The following KLHDC4 variants were observed in gnomAD, a reference collection of about 807,000 sequenced individuals.
KLHDC4 encodes kelch domain containing 4, also known as kelch domain-containing protein 4.
Under a neutral mutation model 62.4 loss-of-function variants are expected in KLHDC4, and 90 were observed. That is an observed-to-expected ratio of 1.44 (90% CI 1.22 to 1.72). KLHDC4 has a LOEUF of 1.72. KLHDC4 is among the 40% of genes most tolerant of loss of function. KLHDC4 has a pLI of 0.00. For synonymous variants in KLHDC4, 386 were observed against 284.4 expected, an observed-to-expected ratio of 1.36 and a Z score of -3.59; for missense variants, 1,025 against 699.7, an observed-to-expected ratio of 1.47 and a Z score of -5.25.
intron 1 of KLHDC4, chr16:87,763,485 T>A (rs558517905): frequency 1.3e-5 from 2 of 152,024 alleles, no homozygotes; most frequent in African/African-American, 4.8e-5. Context: ...ACACCTGTAG[T>A]CCCAAACTAC....
At chr16:87,735,569 C>T (rs960064975) in intron 5 of KLHDC4, among the ~76,000 whole-genome samples, 3 of 152,350 alleles carry the variant, frequency 2.0e-5, no homozygotes, top group South Asian at 2.1e-4. Flanking sequence ...CTTTTTGTGG[C>T]AGTAGCCAAA....
At chr16:87,737,757 T>C (rs2041588114) in intron 5 of KLHDC4, among the ~76,000 whole-genome samples, 1 of 152,000 alleles carries the variant, frequency 6.6e-6, no homozygotes, top group Non-Finnish European at 1.5e-5. Flanking sequence ...CTGGCTAATA[T>C]TTTTCTGTAT....
At chr16:87,741,482 C>G (rs1398757834) in intron 5 of KLHDC4, among the ~76,000 whole-genome samples, 1 of 152,212 alleles carries the variant, frequency 6.6e-6, no homozygotes, top group Admixed American at 6.5e-5. Flanking sequence ...GTTGCGGAAT[C>G]TAGGTTGTGA....
intron 6 of KLHDC4, among the ~76,000 whole-genome samples, chr16:87,730,331 A>T (rs575509714): frequency 1.5e-4 from 23 of 152,362 alleles, no homozygotes; most frequent in African/African-American, 5.5e-4. Context: ...TCCCTTGTTC[A>T]ACAATGGTTA....
Position 87,765,792 on chromosome 16 carries a change from C to A in KLHDC4, c.99G>T (p.Glu33Asp). Residue 33 changes from glutamate (E) to aspartate (D), a missense_variant and splice_region_variant, in exon 1 of 12, where the codon GAG becomes GAT. Glu to Asp is a conservative substitution (Grantham distance 45, BLOSUM62 2). Coordinates refer to ENST00000270583, the MANE Select transcript of KLHDC4 (RefSeq NM_017566.4). ...KKVSKRSRKE[E>D]EDLEALIAHF... ...GCTAAGCCCGGTCTGACCCGCTCAC[C>A]TCCTCCTTCCGCGAGCGCTTAGACA... The A allele has an allele frequency of 6.4e-7, 1 of 1,570,812 alleles. No homozygotes were observed. Among genetic ancestry groups the A allele is most frequent in the South Asian group, 1.2e-5 (1 of 85,638 alleles).
chr16:87,705,353 G>A (rs1161743531), downstream of KLHDC4, among the ~76,000 whole-genome samples: 2 of 152,228 alleles, frequency 1.3e-5, no homozygotes, highest in East Asian at 1.9e-4. Context: ...ACCACCCTGT[G>A]TTGTGTTCCG....
rs767482682 is a variant in KLHDC4, at chr16:87,756,460, G to A, written c.209C>T (p.Ser70Leu). 22 of 1,613,598 alleles carry A rather than the reference G, an allele frequency of 1.4e-5. No individual in the cohort carries two copies. In the East Asian group the frequency reaches 2.7e-4, roughly 20 times the overall value. ...TAACTCATCTTTCTCAGGATGAACCGAGAGGGAGGCATTTAACCTACAAGA... is the reference window on the plus strand; with the variant it reads ...TAACTCATCTTTCTCAGGATGAACCAAGAGGGAGGCATTTAACCTACAAGA... ...PPSPRLNASL[S>L]VHPEKDELIL... Residue 70 changes from serine to leucine, a missense_variant, in exon 3 of 12, where the codon TCG (serine) becomes TTG (leucine). Coordinates refer to ENST00000270583, the MANE Select transcript of KLHDC4 (RefSeq NM_017566.4).
chr16:87,753,246 A>G (rs2143230837), intron 4 of KLHDC4, among the ~76,000 whole-genome samples: 1 of 152,358 alleles, frequency 6.6e-6, no homozygotes, highest in East Asian at 1.9e-4. Context: ...GGGTGAGACC[A>G]AGGAACCACC....
intron 5 of KLHDC4, among the ~76,000 whole-genome samples, chr16:87,745,975 G>C (rs934809695): frequency 3.3e-5 from 5 of 152,094 alleles, no homozygotes; most frequent in African/African-American, 1.2e-4. Flanking sequence ...CAGAAATTAA[G>C]CAGCTCAGCC....
downstream of KLHDC4, among the ~76,000 whole-genome samples, chr16:87,705,716 G>C (rs944451892): frequency 1.3e-5 from 2 of 152,176 alleles, no homozygotes; most frequent in African/African-American, 4.8e-5. Context: ...AAGAGCAGGA[G>C]GGAAGAAAGA....
intron 1 of KLHDC4, chr16:87,765,262 T>C: frequency 2.2e-6 from 1 of 456,094 alleles, no homozygotes; most frequent in South Asian, 1.5e-5. Flanking sequence ...TGCTACGGGA[T>C]ACCCCGTGGC....
At chr16:87,726,215 T>C (rs1283750449) in intron 7 of KLHDC4, among the ~76,000 whole-genome samples, 1 of 138,552 alleles carries the variant, frequency 7.2e-6, no homozygotes, top group African/African-American at 2.7e-5. Flanking sequence ...GCCTCGCCCG[T>C]CTCCCCACGC....
chr16:87,759,066 T>C (rs1321073040), intron 2 of KLHDC4, among the ~76,000 whole-genome samples: 1 of 152,060 alleles, frequency 6.6e-6, no homozygotes, highest in Admixed American at 6.5e-5. Context: ...TCCCAGCTAC[T>C]TGGGAGGCTG....
At chr16:87,698,718 A>C (rs1361275661) in exon 1 of KLHDC4, 3 of 152,238 alleles carry the variant, frequency 2.0e-5, no homozygotes, top group African/African-American at 7.2e-5. Flanking sequence ...ATTGGTTTCC[A>C]CATGGGGTGA....
chr16:87,726,785 A>C lies in KLHDC4; in HGVS notation c.739T>G (p.Tyr247Asp). The C allele has an allele frequency of 6.3e-7, 1 of 1,590,248 alleles. No homozygotes were observed. The highest frequency in any genetic ancestry group is 8.5e-7 in the Non-Finnish European group (1 of 1,171,404). The change falls in exon 7 of 12, where the codon TAT (tyrosine) becomes GAT (aspartate). Residue 247 changes from tyrosine (Y) to aspartate (D), a missense_variant. Transcript: ENST00000270583. ...CTTACCTGTTTCGAGTAGCCCCCAT[A>C]GACGACGATGCCGCCCTGGGGAGTG... ...SVTPQGGIVV[Y>D]GGYSKQRVKK... is the part of the protein sequence containing the mutation.
At chr16:87,727,271 C>A (rs917585051) in intron 6 of KLHDC4, among the ~76,000 whole-genome samples, 1 of 152,186 alleles carries the variant, frequency 6.6e-6, no homozygotes, top group Non-Finnish European at 1.5e-5. Context: ...TGCTGGCCCA[C>A]AGAGGCAGAG....
chr16:87,749,872 C>T (rs757685183), intron 4 of KLHDC4, among the ~76,000 whole-genome samples: 21 of 152,180 alleles, frequency 1.4e-4, no homozygotes, highest in Non-Finnish European at 2.5e-4. Context: ...ACCACCACAC[C>T]CAGCCTTACG....
rs368075945 is a variant in KLHDC4, at chr16:87,709,227, C to T, written c.1447+38G>A. 37 of 1,581,894 alleles carry T rather than the reference C, an allele frequency of 2.3e-5. No homozygotes were observed. The African/African-American group carries it at 2.5e-4, about 11-fold the overall frequency. ...GACGCGACACACGACCGTGGGCTCT[C>T]GCTCCCGGGCACGGAGGCACCAAGC... On this transcript the variant is annotated intron_variant, in intron 10 of 11. Coordinates refer to ENST00000270583, the MANE Select transcript of KLHDC4 (RefSeq NM_017566.4).
chr16:87,748,040 C>T (rs901006313), intron 5 of KLHDC4, among the ~76,000 whole-genome samples: 1 of 152,340 alleles, frequency 6.6e-6, no homozygotes, highest in Non-Finnish European at 1.5e-5. Context: ...GTCTGTCATT[C>T]GACTAGACTT....
Sources: allele counts gnomAD v4.1 joint callset (sites outside exome capture counted in the v4.1 genomes callset), GRCh38; gene constraint gnomAD v4.1.1; transcripts MANE v1.5; gene names NCBI Gene and HGNC (gene_info 2026-07-23, HGNC 2026-07-21).